Variants in CTNNBL1 observed in about 807,000 individuals in gnomAD.
CTNNBL1 encodes the protein beta-catenin-like protein 1.
Under a neutral mutation model 72.7 loss-of-function variants are expected in CTNNBL1, and 31 were observed. That is an observed-to-expected ratio of 0.43 (90% CI 0.32 to 0.58). The LOEUF (loss-of-function observed/expected upper bound fraction) is 0.58, where lower values mean the gene tolerates loss of function less well. Ranked by LOEUF, CTNNBL1 falls within the 20% of genes least tolerant of loss-of-function variation. CTNNBL1 has a pLI of 0.08. For missense variants in CTNNBL1, 534 were observed against 725.1 expected, an observed-to-expected ratio of 0.74 and a Z score of 3.03; for synonymous variants, 240 against 267.3, an observed-to-expected ratio of 0.90 and a Z score of 1.00.
chr20:37,849,599 A>G (rs1308660463), intron 13 of CTNNBL1, among the ~76,000 whole-genome samples: 1 of 152,204 alleles, frequency 6.6e-6, no homozygotes, highest in African/African-American at 2.4e-5. Context: ...TTGGCAAACA[A>G]ATTAGTCAAT....
chr20:37,726,022 A>G (rs748663935), intron 1 of CTNNBL1, among the ~76,000 whole-genome samples: 8 of 152,338 alleles, frequency 5.3e-5, no homozygotes, highest in East Asian at 1.9e-4. Context: ...CTTTATGTAC[A>G]TGCATACATA....
intron 11 of CTNNBL1, among the ~76,000 whole-genome samples, chr20:37,804,769 A>T (rs933514117): frequency 1.3e-5 from 2 of 152,182 alleles, no homozygotes; most frequent in Non-Finnish European, 2.9e-5. Flanking sequence ...TGGCACTGAG[A>T]AGAGGAGGAA....
rs1600482534 is a variant in CTNNBL1 at position 37,779,099 on chromosome 20, AC to A, written c.883-85del. The A allele has an allele frequency of 2.3e-6, 3 of 1,321,498 alleles. No homozygotes were observed. In the East Asian group the frequency reaches 6.9e-5, roughly 30 times the overall value. The allele number at this position is 1,321,498 out of a possible 1,614,324, so 81.9% of individuals were successfully genotyped here. ...CTGTTTCCTCAGTCGTAGAGTTATGACCCACAGGTTTTAGGAATTGTTGGAT... is the reference window on the plus strand; with the variant it reads ...CTGTTTCCTCAGTCGTAGAGTTATGACCACAGGTTTTAGGAATTGTTGGAT... On this transcript the variant is annotated intron_variant, in intron 9 of 15. Coordinates refer to ENST00000361383, the MANE Select transcript of CTNNBL1 (RefSeq NM_030877.5).
At chr20:37,820,938 A>T (rs1419168516) in intron 11 of CTNNBL1, among the ~76,000 whole-genome samples, 1 of 152,200 alleles carries the variant, frequency 6.6e-6, no homozygotes, top group Non-Finnish European at 1.5e-5. Flanking sequence ...CTTAATACAG[A>T]TCTAGGGTAA....
At chr20:37,711,229 T>C (rs2072935287) in intron 1 of CTNNBL1, among the ~76,000 whole-genome samples, 1 of 152,176 alleles carries the variant, frequency 6.6e-6, no homozygotes, top group African/African-American at 2.4e-5. Context: ...TCTCGTCTTA[T>C]CTCCTTTTGC....
intron 1 of CTNNBL1, among the ~76,000 whole-genome samples, chr20:37,732,335 A>G (rs1214196551): frequency 1.3e-5 from 2 of 152,336 alleles, no homozygotes; most frequent in East Asian, 1.9e-4. Flanking sequence ...TGTTTGTACT[A>G]TTTGTGAGTA....
chr20:37,717,327 A>G (rs1679759051), intron 1 of CTNNBL1, among the ~76,000 whole-genome samples: 1 of 152,232 alleles, frequency 6.6e-6, no homozygotes, highest in Admixed American at 6.5e-5. Context: ...GTTAACAGGT[A>G]TGTCTTGTAA....
intron 13 of CTNNBL1, among the ~76,000 whole-genome samples, chr20:37,845,363 G>C (rs568196950): frequency 6.6e-6 from 1 of 152,160 alleles, no homozygotes; most frequent in Non-Finnish European, 1.5e-5. Context: ...TAGCACTGAC[G>C]GAGAGTAATC....
chr20:37,808,197 AT>A (rs2071977130), intron 11 of CTNNBL1, among the ~76,000 whole-genome samples: 1 of 152,208 alleles, frequency 6.6e-6, no homozygotes, highest in African/African-American at 2.4e-5. Flanking sequence ...GCTTTAAAGA[AT>A]ACTTTTCTGT....
At chr20:37,864,811 T>C (rs1207156331) in intron 15 of CTNNBL1, among the ~76,000 whole-genome samples, 2 of 120,446 alleles carry the variant, frequency 1.7e-5, no homozygotes, top group Admixed American at 1.8e-4. Flanking sequence ...GGGTGCGTGC[T>C]GAGGTGGTGC....
At chr20:37,724,843 T>G (rs1231671612) in intron 1 of CTNNBL1, among the ~76,000 whole-genome samples, 2 of 152,086 alleles carry the variant, frequency 1.3e-5, no homozygotes, top group Non-Finnish European at 2.9e-5. Context: ...ATTTGTTTGT[T>G]GTCATTGTGT....
At chr20:37,727,427 A>G in intron 1 of CTNNBL1, 1 of 821,880 alleles carries the variant, frequency 1.2e-6, no homozygotes, top group Non-Finnish European at 1.5e-6. Context: ...TTTATCCTAG[A>G]AAGGCTACCA....
At chr20:37,861,226 CCCT>C (rs1396027708) in intron 15 of CTNNBL1, among the ~76,000 whole-genome samples, 1 of 152,184 alleles carries the variant, frequency 6.6e-6, no homozygotes, top group East Asian at 1.9e-4. Context: ...GTGTGGGTTT[CCCT>C]CCTCCTCACC....
intron 1 of CTNNBL1, among the ~76,000 whole-genome samples, chr20:37,707,600 T>C (rs1306969419): frequency 4.6e-5 from 7 of 152,230 alleles, no homozygotes; most frequent in Admixed American, 4.6e-4. Context: ...GGTTTGATCT[T>C]CTGTCCAGAG....
At chr20:37,824,279 G>A (rs942969728) in intron 11 of CTNNBL1, among the ~76,000 whole-genome samples, 1 of 152,184 alleles carries the variant, frequency 6.6e-6, no homozygotes, top group Non-Finnish European at 1.5e-5. Flanking sequence ...AAGGTTCTTC[G>A]GAGTCCATGT....
At chr20:37,764,796 T>G (rs2073450695) in intron 5 of CTNNBL1, among the ~76,000 whole-genome samples, 1 of 152,124 alleles carries the variant, frequency 6.6e-6, no homozygotes, top group Admixed American at 6.5e-5. Flanking sequence ...TAAAGACGTG[T>G]TTTGGCTTGA....
chr20:37,821,996 T>C (rs1444194081), intron 11 of CTNNBL1, among the ~76,000 whole-genome samples: 3 of 151,836 alleles, frequency 2.0e-5, no homozygotes, highest in Non-Finnish European at 2.9e-5. Flanking sequence ...ATTTTATAGC[T>C]GTTGAGATCT....
chr20:37,711,052 G>A (rs562835403), intron 1 of CTNNBL1, among the ~76,000 whole-genome samples: 2 of 152,168 alleles, frequency 1.3e-5, no homozygotes, highest in Non-Finnish European at 2.9e-5. Flanking sequence ...CATATACAGT[G>A]TGCCTCATAT....
At chr20:37,868,921 C>T (rs528947001) in intron 15 of CTNNBL1, among the ~76,000 whole-genome samples, 2 of 152,088 alleles carry the variant, frequency 1.3e-5, no homozygotes, top group African/African-American at 4.8e-5. Context: ...ACCATGCCTC[C>T]GGGGATATTA....
Sources: allele counts gnomAD v4.1 joint callset (sites outside exome capture counted in the v4.1 genomes callset), GRCh38; gene constraint gnomAD v4.1.1; transcripts MANE v1.5; gene names NCBI Gene and HGNC (gene_info 2026-07-23, HGNC 2026-07-21).